Variants in DBNL observed in about 807,000 individuals in gnomAD.
DBNL encodes drebrin-like protein.
Under a neutral mutation model 62.2 loss-of-function variants are expected in DBNL, and 35 were observed. That is an observed-to-expected ratio of 0.56 (90% CI 0.43 to 0.75). The LOEUF (loss-of-function observed/expected upper bound fraction) is 0.75, where lower values mean the gene tolerates loss of function less well. Among genes scored for constraint, DBNL ranks in the 30% least tolerant of loss-of-function variants. DBNL has a pLI of 0.00. For missense variants in DBNL, 495 were observed against 578.4 expected, an observed-to-expected ratio of 0.86 and a Z score of 1.48; for synonymous variants, 197 against 218.0, an observed-to-expected ratio of 0.90 and a Z score of 0.85.
At chr7:44,048,791 A>T (rs1387826343) in intron 1 of DBNL, among the ~76,000 whole-genome samples, 2 of 152,130 alleles carry the variant, frequency 1.3e-5, no homozygotes, top group Non-Finnish European at 2.9e-5. Context: ...CCTGCTGGGG[A>T]TGTTCAGTTG....
Position 44,051,748 on chromosome 7 carries a change from G to T in DBNL, c.140-82G>T, listed in dbSNP as rs751020400. 2.3e-6 allele frequency: 3 copies of T among 1,324,814 alleles called. No individual in the cohort carries two copies. The South Asian group carries it at 3.7e-5, about 16-fold the overall frequency. 82.1% of individuals were successfully genotyped at this position (1,324,814 alleles called of 1,614,324 possible). A position where few individuals can be genotyped will look rare whatever the true frequency, so the allele number is the denominator to read the frequency against. Reference sequence around the variant, plus strand: ...GGTGAGAAGCCCTGGTTTAGAAGCAGCTCGGCCTCCCTTCATGGTGGGACC... The same window carrying T: ...GGTGAGAAGCCCTGGTTTAGAAGCATCTCGGCCTCCCTTCATGGTGGGACC... On this transcript the variant is annotated intron_variant, in intron 2 of 12. Coordinates refer to ENST00000448521, the MANE Select transcript of DBNL (RefSeq NM_001014436.3).
At chr7:44,045,191 G>A (rs1163545677) in intron 1 of DBNL, among the ~76,000 whole-genome samples, 2 of 152,328 alleles carry the variant, frequency 1.3e-5, no homozygotes, top group Non-Finnish European at 2.9e-5. Context: ...TGGAGAAGGG[G>A]TTCCTGCACA....
At position 44,064,793 on chromosome 7, in the gene DBNL, G is replaced by GGGCCCCCC; in HGVS notation, c.*3877_*3878insGGCCCCCC. The GGGCCCCCC allele has an allele frequency of 4.4e-6, 5 of 1,136,956 alleles. No individual in the cohort carries two copies. The highest frequency in any genetic ancestry group is 5.2e-6 in the Non-Finnish European group (4 of 773,388). The allele number at this position is 1,136,956 out of a possible 1,614,324, so 70.4% of individuals were successfully genotyped here. The stretch of plus-strand genomic sequence containing the variant: ...AGATGAGAAGCCAGCTGGGGCTGCT[G>GGGCCCCCC]CCCACCCACCCTGCCCAGGCTCCTG... On this transcript the variant is annotated 3_prime_UTR_variant, in exon 13 of 13. Coordinates refer to ENST00000448521, the MANE Select transcript of DBNL (RefSeq NM_001014436.3).
At position 44,069,334 on chromosome 7, in the gene DBNL, A is replaced by T. The variant is rs1010650023; in HGVS notation, c.*8418A>T. 1 of 152,252 alleles carries T rather than the reference A, an allele frequency of 6.6e-6. No homozygotes were observed. Among genetic ancestry groups the T allele is most frequent in the Non-Finnish European group, 1.5e-5 (1 of 68,048 alleles). The allele number at this position is 152,252 out of a possible 1,614,324, so 9.4% of individuals were successfully genotyped here. A position where few individuals can be genotyped will look rare whatever the true frequency, so the allele number is the denominator to read the frequency against. On this transcript the variant is annotated 3_prime_UTR_variant, in exon 13 of 13. Transcript: ENST00000448521. ...CTTCAGTGTATACAGATGTAAGACA[A>T]CTAGAACATGAGGGGAGAAGGGTGA...
chr7:44,057,869 G>GC lies in DBNL; in HGVS notation c.552+14dup, dbSNP rs2096139341. ...CTGGGCCAAAGCAGAGGTGAGTGCT[G>GC]CCCCGGGGCATGCTGGGCACGTGGG... On this transcript the variant is annotated intron_variant, in intron 6 of 12. Coordinates refer to ENST00000448521, the MANE Select transcript of DBNL (RefSeq NM_001014436.3). The GC allele has an allele frequency of 6.2e-7, 1 of 1,614,150 alleles. No homozygotes were observed. The highest frequency in any genetic ancestry group is 2.2e-5 in the East Asian group (1 of 44,870).
Position 44,064,765 on chromosome 7 carries a change from C to G in DBNL, c.*3849C>G. On this transcript the variant is annotated 3_prime_UTR_variant, in exon 13 of 13. Coordinates refer to ENST00000448521, the MANE Select transcript of DBNL (RefSeq NM_001014436.3). ...CCTGGTCCATGGGCGAGAGACTTTG[C>G]TGAGATGAGAAGCCAGCTGGGGCTG... 1.4e-6 allele frequency: 2 copies of G among 1,395,628 alleles called. No individual in the cohort carries two copies. The highest frequency in any genetic ancestry group is 2.0e-6 in the Non-Finnish European group (2 of 1,015,506). 86.5% of individuals were successfully genotyped at this position (1,395,628 alleles called of 1,614,324 possible).
Position 44,063,212 on chromosome 7 carries a change from G to A in DBNL, c.*2296G>A. On this transcript the variant is annotated 3_prime_UTR_variant, in exon 13 of 13. Coordinates refer to ENST00000448521, the MANE Select transcript of DBNL (RefSeq NM_001014436.3). ...CTGTCCATAGTTCCCTCAGCCCAGT[G>A]TGACTCCAGCCAGACTGAAGTTGAG... 2.0e-6 allele frequency: 1 copy of A among 492,900 alleles called. No homozygotes were observed. The highest frequency in any genetic ancestry group is 3.7e-6 in the Non-Finnish European group (1 of 268,594). 30.5% of individuals were successfully genotyped at this position (492,900 alleles called of 1,614,324 possible).
intron 4 of DBNL, among the ~76,000 whole-genome samples, chr7:44,055,702 A>G (rs761523757): frequency 1.3e-5 from 2 of 152,178 alleles, no homozygotes; most frequent in Non-Finnish European, 2.9e-5. Flanking sequence ...AGCCATGCGT[A>G]TATCATCTTT....
At chr7:44,055,580 A>T (rs2128792465) in intron 4 of DBNL, among the ~76,000 whole-genome samples, 1 of 152,234 alleles carries the variant, frequency 6.6e-6, no homozygotes, top group Middle Eastern at 3.4e-3. Context: ...TTTATTTTTT[A>T]TGTTTTTTAT....
At position 44,060,676 on chromosome 7, in the gene DBNL, G is replaced by C; in HGVS notation, c.1154-101G>C. 1 of 1,504,848 alleles carries C rather than the reference G, an allele frequency of 6.6e-7. No homozygotes were observed. Among genetic ancestry groups the C allele is most frequent in the East Asian group, 2.3e-5 (1 of 44,072 alleles). The allele number at this position is 1,504,848 out of a possible 1,614,324, so 93.2% of individuals were successfully genotyped here. ...TTTCTGAGGAGGAACCAGAGCTGCA[G>C]CGAGGTGTGCTGCAGCAGTGTGGGG... On this transcript the variant is annotated intron_variant, in intron 12 of 12. Transcript: ENST00000448521. This position sits in a 1 kb window ranked among gnomAD's most constrained non-coding sequence, Gnocchi z 6.3.
rs918182912 is a variant in DBNL at position 44,068,834 on chromosome 7, A to T, written c.*7918A>T. ...CACACAACTGGATAAATTAACAACAAAAGTCCAAGCTTAGACACATCATAA... is the reference window on the plus strand; with the variant it reads ...CACACAACTGGATAAATTAACAACATAAGTCCAAGCTTAGACACATCATAA... On this transcript the variant is annotated 3_prime_UTR_variant, in exon 13 of 13. Coordinates refer to ENST00000448521, the MANE Select transcript of DBNL (RefSeq NM_001014436.3). 2 of 152,212 alleles carry T rather than the reference A, an allele frequency of 1.3e-5. No homozygotes were observed. The highest frequency in any genetic ancestry group is 4.8e-5 in the African/African-American group (2 of 41,452). The allele number at this position is 152,212 out of a possible 1,614,324, so 9.4% of individuals were successfully genotyped here. A position where few individuals can be genotyped will look rare whatever the true frequency, so the allele number is the denominator to read the frequency against.
Position 44,064,688 on chromosome 7 carries a change from C to T in DBNL, c.*3772C>T, listed in dbSNP as rs1330376061. The stretch of plus-strand genomic sequence containing the variant: ...AAAATTTCACAAAACTAAAAAATGG[C>T]TTCTCAGCCCTCCTTTTTCAGTGAA... On this transcript the variant is annotated 3_prime_UTR_variant, in exon 13 of 13. Coordinates refer to ENST00000448521, the MANE Select transcript of DBNL (RefSeq NM_001014436.3). 4 of 755,006 alleles carry T rather than the reference C, an allele frequency of 5.3e-6. No homozygotes were observed. In the African/African-American group the frequency reaches 7.0e-5, roughly 13 times the overall value. The allele number at this position is 755,006 out of a possible 1,614,324, so 46.8% of individuals were successfully genotyped here.
In DBNL at chr7:44,059,931, A is replaced by C. The variant is rs2096145190; in HGVS notation, c.1048-117A>C. The C allele has an allele frequency of 9.8e-7, 1 of 1,021,632 alleles. No individual in the cohort carries two copies. The allele number at this position is 1,021,632 out of a possible 1,614,324, so 63.3% of individuals were successfully genotyped here. A position where few individuals can be genotyped will look rare whatever the true frequency, so the allele number is the denominator to read the frequency against. ...GGGGACAGCAGCAGCCCAGCCCCCG[A>C]GCCTGTAGACTGCTTGCCCTCTGCG... On this transcript the variant is annotated intron_variant, in intron 11 of 12. Coordinates refer to ENST00000448521, the MANE Select transcript of DBNL (RefSeq NM_001014436.3). The surrounding 1 kb of genome is among the most constrained non-coding windows in gnomAD (Gnocchi z 4.1).
chr7:44,051,311 T>C (rs1353889432), intron 2 of DBNL: 1 of 156,830 alleles, frequency 6.4e-6, no homozygotes, highest in African/African-American at 2.4e-5. Flanking sequence ...TCTTCTGGAG[T>C]CTGAGGACTG....
intron 1 of DBNL, among the ~76,000 whole-genome samples, chr7:44,046,051 G>T (rs2096116764): frequency 6.6e-6 from 1 of 152,198 alleles, no homozygotes. Flanking sequence ...TTTCTCAGGA[G>T]AGTTTCTAGA....
chr7:44,053,266 C>T (rs917635828), intron 4 of DBNL, among the ~76,000 whole-genome samples: 4 of 152,156 alleles, frequency 2.6e-5, no homozygotes, highest in African/African-American at 4.8e-5. Flanking sequence ...TTAGTAATAC[C>T]GTCAGGATTT....
chr7:44,062,033 C>A lies in DBNL; in HGVS notation c.*1117C>A, dbSNP rs2096150198. 1 of 153,836 alleles carries A rather than the reference C, an allele frequency of 6.5e-6. No homozygotes were observed. Among genetic ancestry groups the A allele is most frequent in the Admixed American group, 6.4e-5 (1 of 15,586 alleles). The allele number at this position is 153,836 out of a possible 1,614,324, so 9.5% of individuals were successfully genotyped here. On this transcript the variant is annotated 3_prime_UTR_variant, in exon 13 of 13. Transcript: ENST00000448521. ...CTGTGTGGCGTCAGGTACCTGGCAC[C>A]CACTGAGCATCCGGGGAATTAGGTC...
At position 44,060,105 on chromosome 7, in the gene DBNL, C is replaced by A. The variant is rs758992933; in HGVS notation, c.1105C>A (p.Leu369Ile). The change falls in exon 12 of 13, where the codon CTC (leucine) becomes ATC (isoleucine). Residue 369 changes from leucine (L) to isoleucine (I), a missense_variant. Physicochemically the swap from Leu to Ile is conservative, Grantham distance 5 (BLOSUM62 2). Transcript: ENST00000448521. The surrounding 1 kb of genome is among the most constrained non-coding windows in gnomAD (Gnocchi z 6.3). ...TGACCACCACATTCAGGGCCAGGGG[C>A]TCAGTGGGCAAGGGCTCTGTGCCCG... ...HIDHHIQGQG[L>I]SGQGLCARAL... 1 of 1,613,692 alleles carries A rather than the reference C, an allele frequency of 6.2e-7. No individual in the cohort carries two copies. Among genetic ancestry groups the A allele is most frequent in the Non-Finnish European group, 8.5e-7 (1 of 1,179,906 alleles).
In DBNL at chr7:44,053,163, C is replaced by T. The variant is rs555049347; in HGVS notation, c.327+222C>T. ...TTGCCAGGGCCACCTACAGGCCTGCCTCAGTGGGGCAGGATAAAGGACTAT... is the reference window on the plus strand; with the variant it reads ...TTGCCAGGGCCACCTACAGGCCTGCTTCAGTGGGGCAGGATAAAGGACTAT... On this transcript the variant is annotated intron_variant, in intron 4 of 12. Coordinates refer to ENST00000448521, the MANE Select transcript of DBNL (RefSeq NM_001014436.3). 1.1e-4 allele frequency among the ~76,000 whole-genome samples: 17 copies of T among 152,332 alleles called. No individual in the cohort carries two copies. In the South Asian group the frequency reaches 3.5e-3, roughly 32 times the overall value.
Sources: gnomAD v4.1 joint callset for allele counts (sites outside exome capture counted in the v4.1 genomes callset) on GRCh38, gnomAD v4.1.1 for gene constraint, Gnocchi (gnomAD v3.1) non-coding constraint, MANE v1.5 for transcripts, NCBI Gene and HGNC (gene_info 2026-07-23, HGNC 2026-07-21) for gene names.